Variants in FOXN3 observed in about 807,000 individuals in gnomAD.
FOXN3 encodes the protein forkhead box N3.
A neutral mutation model predicts 38.4 loss-of-function variants in FOXN3; 7 were observed. The observed-to-expected ratio is 0.18, with a 90% CI of 0.10 to 0.34. FOXN3 has a LOEUF of 0.34. FOXN3 is among the 10% of genes least tolerant of loss of function. The pLI is 1.00. For synonymous variants in FOXN3, 230 were observed against 242.2 expected, an observed-to-expected ratio of 0.95 and a Z score of 0.47; for missense variants, 456 against 613.4, an observed-to-expected ratio of 0.74 and a Z score of 2.71.
intron 3 of FOXN3, among the ~76,000 whole-genome samples, chr14:89,304,944 TA>T (rs200830937): frequency 0.14 from 18,085 of 133,538 alleles, 1,180 homozygotes; most frequent in East Asian, 0.23. Flanking sequence ...TGTAGTTTCT[TA>T]AAAAAAAAAA....
intron 1 of FOXN3, among the ~76,000 whole-genome samples, chr14:89,557,609 T>G (rs1347666955): frequency 6.6e-6 from 1 of 152,094 alleles, no homozygotes; most frequent in African/African-American, 2.4e-5. Flanking sequence ...CAGAATTGCT[T>G]GCTGGGGTGT....
At chr14:89,590,679 AGCC>A (rs1895932379) in intron 1 of FOXN3, among the ~76,000 whole-genome samples, 1 of 152,172 alleles carries the variant, frequency 6.6e-6, no homozygotes, top group South Asian at 2.1e-4. Flanking sequence ...CCTCGAGGCA[AGCC>A]ATAGAAACTA....
At chr14:89,429,850 A>T (rs933191182) in intron 1 of FOXN3, among the ~76,000 whole-genome samples, 48 of 152,212 alleles carry the variant, frequency 3.2e-4, no homozygotes, top group Admixed American at 2.0e-3. Flanking sequence ...CTCAAGACAA[A>T]CAGTAAAGTA....
chr14:89,288,492 C>T (rs1029241856), intron 3 of FOXN3, among the ~76,000 whole-genome samples: 2 of 151,992 alleles, frequency 1.3e-5, no homozygotes, highest in Non-Finnish European at 2.9e-5. Context: ...TATCATTTTA[C>T]TTTATTTCAG....
intron 2 of FOXN3, among the ~76,000 whole-genome samples, chr14:89,402,654 C>T (rs563951457): frequency 4.1e-4 from 62 of 152,192 alleles, no homozygotes; most frequent in Non-Finnish European, 8.2e-4. Flanking sequence ...AGACTCCCTC[C>T]TGTCCTTCCC....
At chr14:89,277,991 C>T (rs1886348569) in intron 4 of FOXN3, among the ~76,000 whole-genome samples, 1 of 152,120 alleles carries the variant, frequency 6.6e-6, no homozygotes, top group Non-Finnish European at 1.5e-5. Context: ...TGTCAGTTCT[C>T]CCAAGAAATG....
intron 1 of FOXN3, among the ~76,000 whole-genome samples, chr14:89,482,397 G>C (rs930226187): frequency 4.6e-5 from 7 of 152,084 alleles, no homozygotes; most frequent in Non-Finnish European, 1.0e-4. Flanking sequence ...AAAGGGGGAG[G>C]ATTGCTTAAG....
intron 4 of FOXN3, among the ~76,000 whole-genome samples, chr14:89,243,813 T>A (rs2139869576): frequency 6.6e-6 from 1 of 152,344 alleles, no homozygotes; most frequent in South Asian, 2.1e-4. Flanking sequence ...GTGGCATGAA[T>A]GGGCACCTGG....
chr14:89,355,563 C>T (rs1419204408), intron 2 of FOXN3, among the ~76,000 whole-genome samples: 2 of 152,078 alleles, frequency 1.3e-5, no homozygotes, highest in Non-Finnish European at 2.9e-5. Flanking sequence ...TTATTCAAAC[C>T]GTGGGCCAGA....
intron 1 of FOXN3, among the ~76,000 whole-genome samples, chr14:89,477,164 A>G (rs1365898701): frequency 1.3e-5 from 2 of 152,092 alleles, no homozygotes; most frequent in African/African-American, 4.8e-5. Context: ...ATATCTGTGT[A>G]CTGTCTGTGT....
At chr14:89,286,755 G>A (rs1419204258) in intron 3 of FOXN3, among the ~76,000 whole-genome samples, 1 of 152,144 alleles carries the variant, frequency 6.6e-6, no homozygotes, top group Non-Finnish European at 1.5e-5. Flanking sequence ...GTCACTCGCT[G>A]GCATTTGGAA....
chr14:89,249,384 A>G (rs1272435295), intron 4 of FOXN3, among the ~76,000 whole-genome samples: 1 of 152,200 alleles, frequency 6.6e-6, no homozygotes, highest in Admixed American at 6.5e-5. Flanking sequence ...AGTAACTCTT[A>G]GAGCAGCCAC....
intron 1 of FOXN3, among the ~76,000 whole-genome samples, chr14:89,573,547 T>C (rs191720481): frequency 6.6e-6 from 1 of 152,302 alleles, no homozygotes; most frequent in Admixed American, 6.5e-5. Flanking sequence ...ACCAGCATGC[T>C]TTTTGCTTTC....
At chr14:89,301,672 G>A (rs541795439) in intron 3 of FOXN3, among the ~76,000 whole-genome samples, 10 of 151,892 alleles carry the variant, frequency 6.6e-5, no homozygotes, top group Non-Finnish European at 1.0e-4. Flanking sequence ...GGAGGCTGAG[G>A]TAGGAGAACT....
intron 2 of FOXN3, among the ~76,000 whole-genome samples, chr14:89,404,591 C>T (rs1286716494): frequency 6.7e-6 from 1 of 149,852 alleles, no homozygotes; most frequent in African/African-American, 2.4e-5. Context: ...GTATGAATGG[C>T]TTCCTATTCC....
intron 1 of FOXN3, among the ~76,000 whole-genome samples, chr14:89,558,893 G>A (rs1220894983): frequency 2.0e-5 from 3 of 152,294 alleles, no homozygotes; most frequent in African/African-American, 4.8e-5. Context: ...AGTGCATCTC[G>A]TGTGACCCAC....
chr14:89,558,278 T>A (rs1376529627), intron 1 of FOXN3, among the ~76,000 whole-genome samples: 1 of 152,112 alleles, frequency 6.6e-6, no homozygotes, highest in African/African-American at 2.4e-5. Context: ...CAAGTGGTAG[T>A]GCAGGCAAAA....
chr14:89,270,903 C>A (rs189454497), intron 4 of FOXN3, among the ~76,000 whole-genome samples: 1 of 152,156 alleles, frequency 6.6e-6, no homozygotes, highest in Non-Finnish European at 1.5e-5. Flanking sequence ...CTGTGTGTCA[C>A]GACTCACAAA....
chr14:89,169,702 T>C (rs1422196196), intron 5 of FOXN3, among the ~76,000 whole-genome samples: 1 of 152,094 alleles, frequency 6.6e-6, no homozygotes, highest in African/African-American at 2.4e-5. Flanking sequence ...TACTTAAAAA[T>C]ATTCATGCTA....
Sources: gnomAD v4.1 joint callset for allele counts (sites outside exome capture counted in the v4.1 genomes callset) on GRCh38, gnomAD v4.1.1 for gene constraint, MANE v1.5 for transcripts, NCBI Gene and HGNC (gene_info 2026-07-23, HGNC 2026-07-21) for gene names.